DENND4C: variants seen among roughly 807,000 people sequenced by gnomAD.
DENND4C encodes the protein DENN domain containing 4C.
Under a neutral mutation model 203.0 loss-of-function variants are expected in DENND4C, and 108 were observed. That is an observed-to-expected ratio of 0.53 (90% CI 0.46 to 0.62). The LOEUF (loss-of-function observed/expected upper bound fraction) is 0.62. Ranked by LOEUF, DENND4C falls within the 20% of genes least tolerant of loss-of-function variation. The pLI is 0.00. For missense variants in DENND4C, 2,481 were observed against 2,301.2 expected, an observed-to-expected ratio of 1.08 and a Z score of -1.60; for synonymous variants, 871 against 792.4, an observed-to-expected ratio of 1.10 and a Z score of -1.67.
At chr9:19,360,713 G>A (rs1393539486) in intron 29 of DENND4C, among the ~76,000 whole-genome samples, 2 of 152,070 alleles carry the variant, frequency 1.3e-5, no homozygotes, top group East Asian at 3.8e-4. Context: ...TCTGCTTTTG[G>A]TCCAGGATGG....
chr9:19,234,356 G>A (rs1045689945), intron 1 of DENND4C, among the ~76,000 whole-genome samples: 23 of 151,120 alleles, frequency 1.5e-4, no homozygotes, highest in African/African-American at 5.4e-4. Context: ...TCACCCTCCC[G>A]AGTAGCTGGG....
chr9:19,365,364 C>T (rs1427351472), intron 30 of DENND4C, among the ~76,000 whole-genome samples: 1 of 152,140 alleles, frequency 6.6e-6, no homozygotes, highest in Non-Finnish European at 1.5e-5. Context: ...TTGTTTAAAA[C>T]ACTCATCAAG....
intron 20 of DENND4C, among the ~76,000 whole-genome samples, chr9:19,339,894 C>T (rs1267225180): frequency 6.6e-6 from 1 of 152,074 alleles, no homozygotes; most frequent in East Asian, 1.9e-4. Context: ...GACTGATGTA[C>T]TCCTGTTTTA....
chr9:19,263,300 T>A (rs918092328), intron 1 of DENND4C, among the ~76,000 whole-genome samples: 2 of 151,156 alleles, frequency 1.3e-5, no homozygotes, highest in Admixed American at 1.3e-4. Flanking sequence ...AGGGTCATGT[T>A]GAATAATCTT....
In DENND4C at chr9:19,326,093, A is replaced by C; in HGVS notation, c.2019A>C (p.Arg673Ser). Residue 673 changes from arginine to serine, a missense_variant, in exon 15 of 33, where the codon AGA becomes AGC. Around this residue, in one of 3 missense-constraint regions of DENND4C, gnomAD observed 2,289 missense variants for 2,113.3 expected, o/e 1.08. Coordinates refer to ENST00000434457, the MANE Select transcript of DENND4C (RefSeq NM_001330640.2). The stretch of plus-strand genomic sequence containing the variant: ...ATTTTGATTCAGCAGAAGATACCAG[A>C]TTGATAGAACTAGATGATTCACAGA... ...KVDFDSAEDTRLIELDDSQKS... is the reference protein window; with the variant it reads ...KVDFDSAEDTSLIELDDSQKS... 6.2e-7 allele frequency: 1 copy of C among 1,612,180 alleles called. No homozygotes were observed. The highest frequency in any genetic ancestry group is 8.5e-7 in the Non-Finnish European group (1 of 1,179,448).
chr9:19,289,619 A>G (rs1258961309), intron 4 of DENND4C, among the ~76,000 whole-genome samples: 1 of 152,182 alleles, frequency 6.6e-6, no homozygotes, highest in African/African-American at 2.4e-5. Context: ...GCTTGAGGCC[A>G]GGAGTTTGAG....
chr9:19,309,613 G>C (rs550280493), intron 10 of DENND4C, among the ~76,000 whole-genome samples: 2 of 151,648 alleles, frequency 1.3e-5, no homozygotes, highest in South Asian at 4.2e-4. Context: ...CCTTACTCCT[G>C]TTCTTTTTAA....
At chr9:19,232,302 C>G (rs186282702) in intron 1 of DENND4C, among the ~76,000 whole-genome samples, 6 of 151,938 alleles carry the variant, frequency 3.9e-5, no homozygotes, top group Admixed American at 3.9e-4. Flanking sequence ...TTCTGCCACT[C>G]AATCCACACT....
At chr9:19,234,885 T>A (rs2131344148) in intron 1 of DENND4C, among the ~76,000 whole-genome samples, 1 of 152,082 alleles carries the variant, frequency 6.6e-6, no homozygotes. Flanking sequence ...GAAATTATTT[T>A]GCTAATATGA....
intron 15 of DENND4C, among the ~76,000 whole-genome samples, chr9:19,326,949 G>A (rs958671394): frequency 1.3e-5 from 2 of 151,856 alleles, no homozygotes; most frequent in African/African-American, 4.8e-5. Context: ...GTAGTTCTTT[G>A]CTATCTATAT....
At chr9:19,370,080 G>GA in intron 31 of DENND4C, 93 bp downstream of exon 31, 7 of 1,434,048 alleles carry the variant, frequency 4.9e-6, no homozygotes, top group Non-Finnish European at 6.8e-6. Context: ...AGTTGTCGAA[G>GA]AAACACATAC....
chr9:19,236,091 G>T (rs1334617582), intron 1 of DENND4C, among the ~76,000 whole-genome samples: 1 of 150,720 alleles, frequency 6.6e-6, no homozygotes, highest in Non-Finnish European at 1.5e-5. Context: ...CTTAATTTAG[G>T]GATTCTTAGA....
At position 19,324,523 on chromosome 9, in the gene DENND4C, TATACTA is replaced by T. The variant is rs1563804240; in HGVS notation, c.1953+17_1953+22del. 2 of 1,591,458 alleles carry T rather than the reference TATACTA, an allele frequency of 1.3e-6. No individual in the cohort carries two copies. The highest frequency in any genetic ancestry group is 3.9e-5 in the Admixed American group (2 of 51,160). Reference sequence around the variant, plus strand: ...CATAGAAAAGGTAAAAGTTTGTACTTATACTAGTGTTTAGAAAAAAAAGTTTGCCTT... The same window carrying T: ...CATAGAAAAGGTAAAAGTTTGTACTTGTGTTTAGAAAAAAAAGTTTGCCTT... On this transcript the variant is annotated intron_variant, in intron 13 of 32. Coordinates refer to ENST00000434457, the MANE Select transcript of DENND4C (RefSeq NM_001330640.2).
intron 16 of DENND4C, 90 bp from the exon 17 acceptor site, chr9:19,331,888 A>G: frequency 8.1e-7 from 1 of 1,235,432 alleles, no homozygotes; most frequent in South Asian, 1.4e-5. Flanking sequence ...GTCAAGTTTT[A>G]CTTAAATTCT....
intron 30 of DENND4C, among the ~76,000 whole-genome samples, chr9:19,368,702 A>AAGC (rs1280067634): frequency 6.6e-6 from 1 of 152,156 alleles, no homozygotes; most frequent in Non-Finnish European, 1.5e-5. Context: ...CTCGAGGCTG[A>AAGC]AGCAGGAGGA....
intron 2 of DENND4C, among the ~76,000 whole-genome samples, chr9:19,278,133 G>A (rs928280231): frequency 7.7e-6 from 1 of 129,868 alleles, no homozygotes; most frequent in African/African-American, 2.9e-5. Flanking sequence ...TGTTGTGGTT[G>A]TTTTTTGTTT....
intron 1 of DENND4C, among the ~76,000 whole-genome samples, chr9:19,272,945 CTTTTTT>C (rs35973945): frequency 5.8e-5 from 5 of 86,610 alleles, no homozygotes; most frequent in Non-Finnish European, 9.1e-5. Context: ...TTTTTGTATC[CTTTTTT>C]TTTTTTTTTT....
chr9:19,328,005 A>C (rs1422185103), intron 15 of DENND4C, 25 bp from the exon 16 acceptor site: 2 of 1,570,872 alleles, frequency 1.3e-6, no homozygotes, highest in Non-Finnish European at 1.7e-6. Flanking sequence ...TTAAATCAGC[A>C]GTTCTATTTT....
intron 13 of DENND4C, among the ~76,000 whole-genome samples, chr9:19,324,762 C>G (rs1169386920): frequency 4.6e-5 from 7 of 152,182 alleles, no homozygotes; most frequent in African/African-American, 1.7e-4. Flanking sequence ...TTCTGTTACC[C>G]AGGCTAGGGT....
Sources: allele counts gnomAD v4.1 joint callset (sites outside exome capture counted in the v4.1 genomes callset), GRCh38; gene constraint gnomAD v4.1.1; regional missense constraint gnomAD v4.1.1; transcripts MANE v1.5; gene names NCBI Gene and HGNC (gene_info 2026-07-23, HGNC 2026-07-21).